Variants in SYNRG observed in about 807,000 individuals in gnomAD.
The protein encoded by SYNRG is AP1 gamma subunit binding protein 1.
In SYNRG, 37 loss-of-function variants were observed where a neutral mutation model predicts 130.9. The ratio of observed to expected loss-of-function variants is 0.28; its 90% CI spans 0.22 to 0.37. SYNRG has a LOEUF of 0.37. Among genes scored for constraint, SYNRG ranks in the 10% least tolerant of loss-of-function variants. The pLI, the probability that SYNRG is intolerant of heterozygous loss-of-function variation, is 1.00. For synonymous variants in SYNRG, 539 were observed against 568.1 expected (o/e 0.95, Z 0.73); for missense variants, 1,338 against 1,588.9 (o/e 0.84, Z 2.68).
chr17:37,565,813 G>A (rs1179840260), intron 11 of SYNRG, among the ~76,000 whole-genome samples: 6 of 145,438 alleles, frequency 4.1e-5, no homozygotes, highest in Non-Finnish European at 9.0e-5. Flanking sequence ...CCCGGCAGCC[G>A]CCCCATCTGA....
intron 18 of SYNRG, 69 bp from the exon 19 acceptor site, chr17:37,536,196 T>C: frequency 6.7e-7 from 1 of 1,500,192 alleles, no homozygotes; most frequent in South Asian, 1.3e-5. Flanking sequence ...CAGGGGAGCA[T>C]TATTGCTTGC....
chr17:37,568,524 C>G (rs2060167695), intron 11 of SYNRG: 2 of 327,146 alleles, frequency 6.1e-6, no homozygotes, highest in Admixed American at 8.8e-5. Context: ...CACAGGTGAT[C>G]TTAGCTATAA....
At chr17:37,586,221 T>C (rs913482868) in intron 4 of SYNRG, among the ~76,000 whole-genome samples, 198 bp downstream of exon 4, 12 of 152,200 alleles carry the variant, frequency 7.9e-5, no homozygotes, top group African/African-American at 2.7e-4. Context: ...CTCGAACTCC[T>C]GGGCTCAAGC....
chr17:37,586,319 A>C, intron 4 of SYNRG, 100 bp downstream of exon 4: 1 of 1,504,300 alleles, frequency 6.6e-7, no homozygotes, highest in Non-Finnish European at 8.9e-7. Context: ...ACAACTTTTG[A>C]CTGTTTTAGT....
At chr17:37,560,447 G>T (rs182456801) in intron 13 of SYNRG, among the ~76,000 whole-genome samples, 1 of 148,478 alleles carries the variant, frequency 6.7e-6, no homozygotes, top group African/African-American at 2.5e-5. Flanking sequence ...AGCGATTCTT[G>T]TGCCTCAACC....
intron 1 of SYNRG, among the ~76,000 whole-genome samples, chr17:37,604,879 A>G (rs1456786275): frequency 2.0e-5 from 3 of 152,182 alleles, no homozygotes; most frequent in African/African-American, 7.2e-5. Flanking sequence ...AAGACCGGGG[A>G]ACAGCTGGTA....
intron 19 of SYNRG, among the ~76,000 whole-genome samples, chr17:37,526,208 C>T (rs2055897729): frequency 6.6e-6 from 1 of 152,172 alleles, no homozygotes; most frequent in South Asian, 2.1e-4. Context: ...TTCCTTGACA[C>T]TCCCACGGTG....
rs1400874313 is a variant in SYNRG at position 37,516,694 on chromosome 17, C to A, written c.*2246G>T. The A allele has an allele frequency of 6.7e-6, 1 of 148,986 alleles. No individual in the cohort carries two copies. The highest frequency in any genetic ancestry group is 1.5e-5 in the Non-Finnish European group (1 of 67,536). 9.2% of individuals were successfully genotyped at this position (148,986 alleles called of 1,614,324 possible). ...TTTTTTTTTTTAAGAGACAGTGTCT[C>A]GCTCTGTCATCACCTACGCTGTCAC... On this transcript the variant is annotated 3_prime_UTR_variant, in exon 22 of 22. Coordinates refer to ENST00000612223, the MANE Select transcript of SYNRG (RefSeq NM_007247.6).
At chr17:37,542,853 T>A (rs2057899023) in intron 14 of SYNRG, among the ~76,000 whole-genome samples, 1 of 152,206 alleles carries the variant, frequency 6.6e-6, no homozygotes, top group African/African-American at 2.4e-5. Context: ...GTATACACTG[T>A]TTGATATAAG....
intron 14 of SYNRG, among the ~76,000 whole-genome samples, chr17:37,544,310 T>G (rs1188147228): frequency 6.6e-6 from 1 of 152,012 alleles, no homozygotes; most frequent in African/African-American, 2.4e-5. Flanking sequence ...AAAAGTTTTT[T>G]TTTTTTTTTA....
chr17:37,602,142 C>A (rs1363169744), intron 1 of SYNRG, among the ~76,000 whole-genome samples: 1 of 152,010 alleles, frequency 6.6e-6, no homozygotes, highest in Non-Finnish European at 1.5e-5. Flanking sequence ...TCCAGACCAG[C>A]CTGACCAACA....
chr17:37,554,598 G>A (rs2058964901), intron 13 of SYNRG, among the ~76,000 whole-genome samples: 1 of 152,142 alleles, frequency 6.6e-6, no homozygotes, highest in African/African-American at 2.4e-5. Context: ...GATACTATGT[G>A]GTCTTGCTCA....
chr17:37,553,401 A>G lies in SYNRG; in HGVS notation c.2322T>C (p.Asp774=). 1 of 1,614,216 alleles carries G rather than the reference A, an allele frequency of 6.2e-7. No individual in the cohort carries two copies. The part of the protein sequence containing the change: ...KDNTPSGKSD[D]DFADFHSSKF... ...TACTGGAGTGGAAGTCAGCAAAATC[A>G]TCATCACTTTTTCCTGAAGGAGTGT... Residue 774 remains aspartate (D), a synonymous_variant, in exon 14 of 22, where the codon GAT becomes GAC. Coordinates refer to ENST00000612223, the MANE Select transcript of SYNRG (RefSeq NM_007247.6).
chr17:37,583,483 C>A (rs1323358055), intron 6 of SYNRG, among the ~76,000 whole-genome samples: 1 of 152,104 alleles, frequency 6.6e-6, no homozygotes, highest in Non-Finnish European at 1.5e-5. Flanking sequence ...CCGGAAAAAT[C>A]AAGAACTGGT....
At chr17:37,526,339 T>C (rs2055917175) in intron 19 of SYNRG, among the ~76,000 whole-genome samples, 1 of 152,228 alleles carries the variant, frequency 6.6e-6, no homozygotes, top group Admixed American at 6.5e-5. Flanking sequence ...AAAGCTTTGC[T>C]TTTGCTAAGA....
chr17:37,538,227 A>T lies in SYNRG; in HGVS notation c.3517+97T>A, dbSNP rs1047033802. On this transcript the variant is annotated intron_variant, in intron 18 of 21. Coordinates refer to ENST00000612223, the MANE Select transcript of SYNRG (RefSeq NM_007247.6). ...TACAGATGCTTCTTACTGAAGTCAT[A>T]TGTAACTTGAGAGATCTAGCTTAAA... The T allele has an allele frequency of 4.6e-6, 4 of 860,248 alleles. No homozygotes were observed. The African/African-American group carries it at 6.9e-5, about 15-fold the overall frequency. 53.3% of individuals were successfully genotyped at this position (860,248 alleles called of 1,614,324 possible).
intron 19 of SYNRG, among the ~76,000 whole-genome samples, chr17:37,535,533 G>A (rs147931405): frequency 5.8e-4 from 89 of 152,264 alleles, no homozygotes; most frequent in African/African-American, 1.9e-3. Context: ...TCTATTCAGA[G>A]AACTACTCGT....
At chr17:37,590,526 A>G (rs1291781025) in intron 3 of SYNRG, among the ~76,000 whole-genome samples, 1 of 152,260 alleles carries the variant, frequency 6.6e-6, no homozygotes, top group Non-Finnish European at 1.5e-5. Flanking sequence ...AACTTGGCAT[A>G]AATTAAAAAG....
At chr17:37,551,281 A>C (rs2058689051) in intron 14 of SYNRG, among the ~76,000 whole-genome samples, 1 of 152,226 alleles carries the variant, frequency 6.6e-6, no homozygotes, top group Admixed American at 6.5e-5. Flanking sequence ...TTGATGCAGC[A>C]ATTTTGCACA....
Sources: allele counts gnomAD v4.1 joint callset (sites outside exome capture counted in the v4.1 genomes callset), GRCh38; gene constraint gnomAD v4.1.1; transcripts MANE v1.5; gene names NCBI Gene and HGNC (gene_info 2026-07-23, HGNC 2026-07-21).